LOC400499: variants seen among roughly 807,000 people sequenced by gnomAD.
At chr16:11,449,328 G>A in the LOC400499 span, among the ~76,000 whole-genome samples, 1 of 152,146 alleles carries the variant, frequency 6.6e-6, no homozygotes, top group Non-Finnish European at 1.5e-5. Context: ...CCCCAACCCT[G>A]AGCAGAAATA....
the LOC400499 span, among the ~76,000 whole-genome samples, chr16:11,467,731 A>G: frequency 1.3e-5 from 2 of 152,382 alleles, no homozygotes; most frequent in East Asian, 3.9e-4. Context: ...CACCTGATAG[A>G]CAAAATAAAA....
the LOC400499 span, among the ~76,000 whole-genome samples, chr16:11,449,441 G>C: frequency 6.6e-6 from 1 of 152,170 alleles, no homozygotes; most frequent in Non-Finnish European, 1.5e-5. Context: ...ATGCTGGCAG[G>C]TGGCCTTCTC....
the LOC400499 span, among the ~76,000 whole-genome samples, chr16:11,489,188 G>A: frequency 2.0e-5 from 3 of 152,318 alleles, no homozygotes; most frequent in Admixed American, 6.5e-5. Flanking sequence ...TGACCTTGGG[G>A]TGGTCCCTCT....
the LOC400499 span, chr16:11,425,128 C>T: frequency 5.5e-5 from 22 of 398,910 alleles, no homozygotes; most frequent in Non-Finnish European, 2.2e-5. Flanking sequence ...GTCCTACCTG[C>T]ATCACTCAGC....
the LOC400499 span, among the ~76,000 whole-genome samples, chr16:11,501,828 C>T: frequency 1.3e-5 from 2 of 152,088 alleles, no homozygotes; most frequent in East Asian, 1.9e-4. Flanking sequence ...TGTCTTTATC[C>T]GCCAGGCCCT....
the LOC400499 span, among the ~76,000 whole-genome samples, chr16:11,379,819 T>C: frequency 6.6e-6 from 1 of 152,266 alleles, no homozygotes; most frequent in South Asian, 2.1e-4. Context: ...GTACGTTCTG[T>C]AGATATGTTG....
chr16:11,494,629 C>T, the LOC400499 span: 1 of 399,256 alleles, frequency 2.5e-6, no homozygotes, highest in Non-Finnish European at 4.4e-6. Context: ...AGGCGTCTCC[C>T]AGGATCCTCA....
the LOC400499 span, among the ~76,000 whole-genome samples, chr16:11,424,667 A>C: frequency 6.6e-6 from 1 of 152,292 alleles, no homozygotes; most frequent in African/African-American, 2.4e-5. Context: ...CTCAGAGGGA[A>C]ACAGGGGTCT....
chr16:11,414,659 G>T, the LOC400499 span: 4 of 398,042 alleles, frequency 1.0e-5, no homozygotes, highest in Middle Eastern at 6.3e-4. Context: ...GTGGGTGCTG[G>T]GTGGGGTCAA....
chr16:11,470,395 C>T, the LOC400499 span, among the ~76,000 whole-genome samples: 1 of 152,190 alleles, frequency 6.6e-6, no homozygotes, highest in Non-Finnish European at 1.5e-5. Context: ...CCTGTGAGAC[C>T]AGGCTGAGGC....
chr16:11,460,457 C>T, the LOC400499 span: 1 of 1,512,954 alleles, frequency 6.6e-7, no homozygotes. Flanking sequence ...CCGGATGTCG[C>T]ACCTGGCCTG....
chr16:11,482,515 T>C, the LOC400499 span, among the ~76,000 whole-genome samples: 1 of 152,188 alleles, frequency 6.6e-6, no homozygotes, highest in Non-Finnish European at 1.5e-5. Flanking sequence ...CTTCCTGCTA[T>C]TTTTTGGAAG....
chr16:11,517,499 G>A, the LOC400499 span, among the ~76,000 whole-genome samples: 2 of 152,218 alleles, frequency 1.3e-5, no homozygotes, highest in African/African-American at 4.8e-5. Context: ...TGAGGAAACA[G>A]GCTCGGAGCA....
At chr16:11,460,052 G>C in the LOC400499 span, 3 of 1,424,248 alleles carry the variant, frequency 2.1e-6, no homozygotes, top group Non-Finnish European at 2.8e-6. Flanking sequence ...GCCAGAGCTG[G>C]ACCTGGGACA....
At chr16:11,421,962 G>C in the LOC400499 span, among the ~76,000 whole-genome samples, 2 of 152,222 alleles carry the variant, frequency 1.3e-5, no homozygotes, top group South Asian at 4.1e-4. Flanking sequence ...AATGTGAAAA[G>C]ATACATATGA....
the LOC400499 span, chr16:11,440,890 T>C: frequency 7.5e-6 from 3 of 398,896 alleles, no homozygotes; most frequent in Non-Finnish European, 1.3e-5. Context: ...ACAGCCAAGC[T>C]CTGGGTGGAG....
At chr16:11,438,607 CAAAAAAA>C in the LOC400499 span, among the ~76,000 whole-genome samples, 16 of 59,848 alleles carry the variant, frequency 2.7e-4, no homozygotes, top group Middle Eastern at 0.014. Context: ...CCTGTCTCTG[CAAAAAAA>C]AAAAAAAAAA....
chr16:11,498,161 A>G, the LOC400499 span, among the ~76,000 whole-genome samples: 1 of 152,144 alleles, frequency 6.6e-6, no homozygotes, highest in Non-Finnish European at 1.5e-5. Context: ...CTTCACCAAC[A>G]TGAAGAACTT....
chr16:11,423,341 C>A, the LOC400499 span: 4 of 398,696 alleles, frequency 1.0e-5, no homozygotes, highest in African/African-American at 2.1e-5. Flanking sequence ...CCCACTTGAC[C>A]CCGCCACCCT....
Sources: gnomAD v4.1 joint callset for allele counts (sites outside exome capture counted in the v4.1 genomes callset) on GRCh38, gnomAD v4.1.1 for gene constraint, MANE v1.5 for transcripts.